The following RPS6KA2 variants were observed in gnomAD, a reference collection of about 807,000 sequenced individuals.
RPS6KA2 encodes the protein ribosomal protein S6 kinase A2.
Under a neutral mutation model 91.8 loss-of-function variants are expected in RPS6KA2, and 42 were observed. The ratio of observed to expected loss-of-function variants is 0.46; its 90% confidence interval spans 0.36 to 0.59. The LOEUF is 0.59. Ranked by LOEUF, RPS6KA2 falls within the 20% of genes least tolerant of loss-of-function variation. The pLI, the probability that RPS6KA2 is intolerant of heterozygous loss-of-function variation, is 0.00. For synonymous variants in RPS6KA2, 414 were observed against 393.6 expected (o/e 1.05, Z -0.61); for missense variants, 798 against 978.5 (o/e 0.82, Z 2.46).
At chr6:166,629,155 A>T (rs1786999460), upstream of RPS6KA2, among the ~76,000 whole-genome samples, 1 of 152,248 alleles carries the variant, frequency 6.6e-6, no homozygotes, top group Non-Finnish European at 1.5e-5. Flanking sequence ...AACTGGACAC[A>T]GACTCCGGGA....
At chr6:166,593,613 C>T (rs960987086) in intron 1 of RPS6KA2, among the ~76,000 whole-genome samples, 7 of 151,794 alleles carry the variant, frequency 4.6e-5, no homozygotes, top group African/African-American at 1.2e-4. Context: ...AATTGACGTG[C>T]GTCAAAACAT....
chr6:166,709,955 G>T (rs73261044), intron 2 of RPS6KA2, among the ~76,000 whole-genome samples: 11,104 of 152,212 alleles, frequency 0.073, 740 homozygotes, highest in African/African-American at 0.18. Context: ...AACTGTAAGA[G>T]GGTTTCAGTT....
chr6:166,490,568 C>T lies in RPS6KA2; in HGVS notation c.818+103G>A. On this transcript the variant is annotated intron_variant, in intron 9 of 20. Transcript: ENST00000265678. This position sits in a 1 kb window ranked among gnomAD's most constrained non-coding sequence, Gnocchi z 4.2. ...GCTTACAATACTTTGGCACTGTAAG[C>T]CTAGCAATGTAATTAAAACTTCACA... 1.2e-6 allele frequency: 1 copy of T among 814,710 alleles called. No individual in the cohort carries two copies. The highest frequency in any genetic ancestry group is 1.5e-5 in the South Asian group (1 of 67,766). The allele number at this position is 814,710 out of a possible 1,614,324, so 50.5% of individuals were successfully genotyped here.
intron 2 of RPS6KA2, among the ~76,000 whole-genome samples, chr6:166,816,442 C>A (rs941052827): frequency 3.0e-4 from 45 of 149,296 alleles, no homozygotes; most frequent in Non-Finnish European, 5.6e-4. Flanking sequence ...GTGATCCCAG[C>A]TACTTGGGAG....
In RPS6KA2 at chr6:166,662,562, G is replaced by C. The variant is rs1788191407; in HGVS notation, c.124-123778C>G. Among the ~76,000 whole-genome samples the C allele has an allele frequency of 6.6e-6, 1 of 152,136 alleles. No individual in the cohort carries two copies. The highest frequency in any genetic ancestry group is 2.4e-5 in the African/African-American group (1 of 41,428). Reference sequence around the variant, plus strand: ...TTATGTTATGAACACCAGTTAGTTTGCACCAGTTCCAGGAAAGAGATTCAA... The same window carrying C: ...TTATGTTATGAACACCAGTTAGTTTCCACCAGTTCCAGGAAAGAGATTCAA... On this transcript the variant is annotated intron_variant, in intron 2 of 21. Transcript: ENST00000503859. This position sits in a 1 kb window ranked among gnomAD's most constrained non-coding sequence, Gnocchi z 4.3.
intron 3 of RPS6KA2, among the ~76,000 whole-genome samples, chr6:166,518,615 T>A (rs1359285813): frequency 6.6e-6 from 1 of 152,198 alleles, no homozygotes; most frequent in Non-Finnish European, 1.5e-5. Context: ...GAATGTTCTG[T>A]ATGGTTGACT....
At chr6:166,543,251 A>G (rs929877499) in intron 1 of RPS6KA2, among the ~76,000 whole-genome samples, 3 of 152,150 alleles carry the variant, frequency 2.0e-5, no homozygotes, top group Admixed American at 1.3e-4. Flanking sequence ...ACCCGGACAC[A>G]CCTGCCCAGG....
At chr6:166,440,818 C>T (rs1583138180) in intron 14 of RPS6KA2, among the ~76,000 whole-genome samples, 1 of 152,162 alleles carries the variant, frequency 6.6e-6, no homozygotes, top group Non-Finnish European at 1.5e-5. Context: ...TGAGATATTT[C>T]GCGGCAAAGT....
At chr6:166,598,891 C>G (rs186346562) in intron 1 of RPS6KA2, among the ~76,000 whole-genome samples, 1 of 152,230 alleles carries the variant, frequency 6.6e-6, no homozygotes, top group African/African-American at 2.4e-5. Context: ...CCATCAGACA[C>G]GGCTCACTCT....
chr6:166,627,609 C>G (rs555232824), upstream of RPS6KA2: 1 of 153,024 alleles, frequency 6.5e-6, no homozygotes, highest in African/African-American at 2.4e-5. Context: ...CACTGCCCGC[C>G]AATCAGTGCC....
intron 2 of RPS6KA2, among the ~76,000 whole-genome samples, chr6:166,538,397 T>C (rs1159795425): frequency 6.6e-6 from 1 of 152,158 alleles, no homozygotes; most frequent in East Asian, 1.9e-4. Flanking sequence ...ACCTTGGTGA[T>C]GATTTACCAA....
chr6:166,571,965 C>A (rs1009359189), intron 1 of RPS6KA2, among the ~76,000 whole-genome samples: 2 of 151,996 alleles, frequency 1.3e-5, no homozygotes, highest in South Asian at 4.2e-4. Flanking sequence ...GGAATAAAAC[C>A]CTTACATCTT....
At chr6:166,647,556 C>A (rs149336563) in intron 2 of RPS6KA2, among the ~76,000 whole-genome samples, 1 of 152,202 alleles carries the variant, frequency 6.6e-6, no homozygotes, top group Non-Finnish European at 1.5e-5. Context: ...CAGCTGACCA[C>A]GCAAGGTTCT....
At chr6:166,449,691 C>G (rs1303643397) in intron 13 of RPS6KA2, among the ~76,000 whole-genome samples, 2 of 152,146 alleles carry the variant, frequency 1.3e-5, no homozygotes, top group Admixed American at 1.3e-4. Context: ...CTTCCCAGGG[C>G]TTTACCTTCC....
intron 2 of RPS6KA2, among the ~76,000 whole-genome samples, chr6:166,655,734 C>T (rs1315654819): frequency 1.3e-5 from 2 of 152,230 alleles, no homozygotes; most frequent in Non-Finnish European, 2.9e-5. Context: ...AGGTTGGAAA[C>T]ACATGAAGCA....
At chr6:166,513,993 G>C (rs537775875) in intron 3 of RPS6KA2, among the ~76,000 whole-genome samples, 1 of 152,326 alleles carries the variant, frequency 6.6e-6, no homozygotes, top group East Asian at 1.9e-4. Context: ...TCATGTCTTA[G>C]TGATCTGGAT....
chr6:166,597,250 C>CG (rs1341402487), intron 1 of RPS6KA2, among the ~76,000 whole-genome samples: 1 of 152,168 alleles, frequency 6.6e-6, no homozygotes, highest in African/African-American at 2.4e-5. Context: ...GAGCTGGTGG[C>CG]GAGGCACCCC....
chr6:166,702,836 T>C, intron 2 of RPS6KA2: 1 of 1,004,944 alleles, frequency 1.0e-6, no homozygotes, highest in South Asian at 1.3e-5. Flanking sequence ...TACGGTTTGT[T>C]CATTGTGAAG....
At chr6:166,730,781 T>C (rs1304837243) in intron 2 of RPS6KA2, among the ~76,000 whole-genome samples, 1 of 152,234 alleles carries the variant, frequency 6.6e-6, no homozygotes, top group Non-Finnish European at 1.5e-5. Context: ...TTTTGTTAAA[T>C]GGTTATCATG....
Sources: gnomAD v4.1 joint callset for allele counts (sites outside exome capture counted in the v4.1 genomes callset) on GRCh38, gnomAD v4.1.1 for gene constraint, Gnocchi (gnomAD v3.1) non-coding constraint, MANE v1.5 for transcripts, NCBI Gene and HGNC (gene_info 2026-07-23, HGNC 2026-07-21) for gene names.